Variants in RASEF observed in about 807,000 individuals in gnomAD.
RASEF encodes RAS and EF-hand domain containing.
RASEF carries 68 observed loss-of-function variants against 90.1 expected under a neutral mutation model. The ratio of observed to expected loss-of-function variants is 0.75; its 90% CI spans 0.62 to 0.92. RASEF has a LOEUF of 0.92. RASEF is among the 40% of genes least tolerant of loss of function. The pLI is 0.00. For missense variants in RASEF, 949 were observed against 937.2 expected (o/e 1.01, Z -0.16); for synonymous variants, 331 against 345.2 (o/e 0.96, Z 0.46).
At chr9:83,020,652 C>T (rs545576385) in intron 3 of RASEF, among the ~76,000 whole-genome samples, 1 of 152,226 alleles carries the variant, frequency 6.6e-6, no homozygotes, top group South Asian at 2.1e-4. Flanking sequence ...TTTGCCACTA[C>T]CGGACTGAAG....
chr9:83,136,307 C>T, the RASEF span, among the ~76,000 whole-genome samples: 2 of 152,004 alleles, frequency 1.3e-5, no homozygotes, highest in African/African-American at 4.8e-5. Flanking sequence ...CATAGCATAC[C>T]TTTGCGCAAA....
intron 1 of RASEF, among the ~76,000 whole-genome samples, chr9:83,049,895 T>C (rs1453781111): frequency 1.5e-5 from 1 of 68,554 alleles, no homozygotes; most frequent in Admixed American, 1.5e-4. Flanking sequence ...GGCTGCATAG[T>C]ATTCCATGGT....
At chr9:83,183,882 A>C in the RASEF span, among the ~76,000 whole-genome samples, 5 of 152,224 alleles carry the variant, frequency 3.3e-5, no homozygotes, top group African/African-American at 1.2e-4. Context: ...GCCAATAATT[A>C]GCTTTCCTCA....
At chr9:83,059,451 T>C (rs1430109056) in intron 1 of RASEF, among the ~76,000 whole-genome samples, 1 of 152,006 alleles carries the variant, frequency 6.6e-6, no homozygotes, top group Non-Finnish European at 1.5e-5. Context: ...AATGCAGATA[T>C]ATGAAACAAG....
At chr9:83,005,307 A>G (rs530118493) in intron 8 of RASEF, 109 bp downstream of exon 8, 19 of 747,154 alleles carry the variant, frequency 2.5e-5, no homozygotes, top group Non-Finnish European at 3.4e-5. Flanking sequence ...TCTCATTATT[A>G]TAAGGACTTA....
intron 1 of RASEF, among the ~76,000 whole-genome samples, chr9:83,049,534 T>C (rs1369518822): frequency 7.7e-5 from 11 of 143,694 alleles, no homozygotes; most frequent in Admixed American, 7.5e-4. Context: ...CCTTCCTTTT[T>C]TTTTTTTTTT....
At chr9:83,078,753 G>A in the RASEF span, among the ~76,000 whole-genome samples, 3,137 of 152,032 alleles carry the variant, frequency 0.021, 89 homozygotes, top group African/African-American at 0.071. Context: ...AGTACTAGGA[G>A]TTTCCCAGCA....
chr9:83,018,575 T>TA (rs763397511), intron 3 of RASEF, among the ~76,000 whole-genome samples: 9 of 151,742 alleles, frequency 5.9e-5, no homozygotes, highest in East Asian at 1.9e-4. Context: ...CTTTTTTTTT[T>TA]AAAAGAAATT....
the RASEF span, among the ~76,000 whole-genome samples, chr9:83,094,178 A>G: frequency 6.8e-6 from 1 of 146,042 alleles, no homozygotes; most frequent in Non-Finnish European, 1.5e-5. Flanking sequence ...ACAAGATCCT[A>G]TAGTTTATAC....
chr9:83,195,127 T>C, the RASEF span, among the ~76,000 whole-genome samples: 40 of 152,354 alleles, frequency 2.6e-4, 1 homozygote, highest in African/African-American at 9.1e-4. Context: ...CTTTCTGAAT[T>C]GAGATCGTCA....
At chr9:83,168,723 A>G in the RASEF span, among the ~76,000 whole-genome samples, 1,871 of 152,270 alleles carry the variant, frequency 0.012, 108 homozygotes, top group East Asian at 0.17. Flanking sequence ...GCTTAACATC[A>G]TTAATCATCA....
the RASEF span, among the ~76,000 whole-genome samples, chr9:83,119,865 A>G: frequency 3.3e-5 from 5 of 152,214 alleles, no homozygotes; most frequent in Non-Finnish European, 7.3e-5. Context: ...GACACCTTCA[A>G]AGACAAACTT....
Position 83,004,533 on chromosome 9 carries a change from G to A in RASEF, c.1167C>T (p.Phe389=), listed in dbSNP as rs1305826858. The A allele has an allele frequency of 6.2e-6, 10 of 1,603,490 alleles. No individual in the cohort carries two copies. The highest frequency in any genetic ancestry group is 8.5e-6 in the Non-Finnish European group (10 of 1,170,416). ...GNTISRSSPK[F]IGHSPQPLGY... The stretch of plus-strand genomic sequence containing the variant: ...CTAGAGGTTGAGGGGAATGACCAAT[G>A]AATTTGGGACTGCTTCTAGAAATTG... The change falls in exon 9 of 17, where the codon TTC becomes TTT. Residue 389 remains phenylalanine (F), a synonymous_variant. Coordinates refer to ENST00000376447, the MANE Select transcript of RASEF (RefSeq NM_152573.4).
chr9:83,114,512 C>A, the RASEF span, among the ~76,000 whole-genome samples: 3 of 152,178 alleles, frequency 2.0e-5, no homozygotes, highest in African/African-American at 7.2e-5. Flanking sequence ...TGCTGGTGAG[C>A]TGGGCGGAAC....
At chr9:83,031,628 G>T (rs1355027579) in intron 1 of RASEF, among the ~76,000 whole-genome samples, 1 of 152,094 alleles carries the variant, frequency 6.6e-6, no homozygotes, top group African/African-American at 2.4e-5. Context: ...CCAGTTTTCA[G>T]GGGTCTTAAG....
At chr9:82,988,098 G>A (rs1431905934) in intron 16 of RASEF, among the ~76,000 whole-genome samples, 1 of 152,222 alleles carries the variant, frequency 6.6e-6, no homozygotes, top group Non-Finnish European at 1.5e-5. Context: ...CCATCCAGCT[G>A]TTCCCAGCAA....
chr9:83,211,877 C>T, the RASEF span, among the ~76,000 whole-genome samples: 15,112 of 152,136 alleles, frequency 0.099, 970 homozygotes, highest in East Asian at 0.17. Flanking sequence ...GGAAGCCCAG[C>T]GCTCTTTCCA....
intron 5 of RASEF, among the ~76,000 whole-genome samples, chr9:83,011,550 CAA>C (rs71363083): frequency 3.9e-4 from 11 of 28,112 alleles, no homozygotes; most frequent in African/African-American, 1.5e-3. Flanking sequence ...GACTCCATCT[CAA>C]AAAAAAAAAA....
the RASEF span, among the ~76,000 whole-genome samples, chr9:83,202,985 T>C: frequency 6.6e-6 from 1 of 152,170 alleles, no homozygotes; most frequent in African/African-American, 2.4e-5. Flanking sequence ...AAGAAAAAGA[T>C]GTACATATTT....
Sources: allele counts gnomAD v4.1 joint callset (sites outside exome capture counted in the v4.1 genomes callset), GRCh38; gene constraint gnomAD v4.1.1; transcripts MANE v1.5; gene names NCBI Gene and HGNC (gene_info 2026-07-23, HGNC 2026-07-21).